The following SEC24A variants were observed in gnomAD, a reference collection of about 807,000 sequenced individuals.
The protein encoded by SEC24A is protein transport protein Sec24A.
SEC24A carries 93 observed loss-of-function variants against 129.4 expected under a neutral mutation model. That is an observed-to-expected ratio of 0.72 (90% CI 0.61 to 0.85). The LOEUF (loss-of-function observed/expected upper bound fraction) is 0.85. Among genes scored for constraint, SEC24A ranks in the 40% least tolerant of loss-of-function variants. SEC24A has a pLI of 0.00. For missense variants in SEC24A, 1,264 were observed against 1,307.4 expected, an observed-to-expected ratio of 0.97 and a Z score of 0.51; for synonymous variants, 460 against 467.3, an observed-to-expected ratio of 0.98 and a Z score of 0.20.
rs545392428 is a variant in SEC24A at position 134,711,454 on chromosome 5, G to A, written c.2727+2566G>A. On this transcript the variant is annotated intron_variant, in intron 18 of 22. Transcript: ENST00000398844. ...GCACCTTGGGAGGCAAAGGCGGGAG[G>A]ATTGATTGCTTGAGTCTGGGAGTTT... Among the ~76,000 whole-genome samples the A allele has an allele frequency of 5.3e-5, 8 of 152,140 alleles. No homozygotes were observed. The South Asian group carries it at 1.7e-3, about 32-fold the overall frequency.
rs887589946 is a variant in SEC24A, at chr5:134,724,091, A to G, written c.3167+421A>G. Among the ~76,000 whole-genome samples the G allele has an allele frequency of 7.2e-5, 11 of 152,252 alleles. No homozygotes were observed. The East Asian group carries it at 1.4e-3, about 19-fold the overall frequency. ...CCATTCATCCTAACTGAAATTTTGTACCCTTTGACTAACATTTCTTCTTTC... is the reference window on the plus strand; with the variant it reads ...CCATTCATCCTAACTGAAATTTTGTGCCCTTTGACTAACATTTCTTCTTTC... On this transcript the variant is annotated intron_variant, in intron 22 of 22. Transcript: ENST00000398844.
At chr5:134,674,543 A>C (rs1418481800) in intron 4 of SEC24A, 72 bp from the exon 5 acceptor site, 1 of 1,416,400 alleles carries the variant, frequency 7.1e-7, no homozygotes, top group African/African-American at 1.5e-5. Flanking sequence ...TCCAAAAAAA[A>C]TGTTTTTTTA....
intron 17 of SEC24A, among the ~76,000 whole-genome samples, chr5:134,706,370 T>A (rs1310659481): frequency 6.6e-6 from 1 of 152,216 alleles, no homozygotes; most frequent in Non-Finnish European, 1.5e-5. Flanking sequence ...TATCTTCACG[T>A]ATTTATTTCC....
intron 1 of SEC24A, among the ~76,000 whole-genome samples, chr5:134,654,221 T>A (rs1012574880): frequency 3.3e-5 from 5 of 151,178 alleles, no homozygotes; most frequent in African/African-American, 9.7e-5. Context: ...AAAAAAAAAA[T>A]ATATATATAT....
chr5:134,717,638 G>T (rs1339583435), intron 19 of SEC24A, among the ~76,000 whole-genome samples: 1 of 151,928 alleles, frequency 6.6e-6, no homozygotes, highest in Admixed American at 6.6e-5. Context: ...TGAATAATTG[G>T]CCGGGTGCGG....
intron 21 of SEC24A, 70 bp downstream of exon 21, chr5:134,721,160 T>A (rs1752617317): frequency 5.7e-6 from 5 of 871,828 alleles, no homozygotes; most frequent in Non-Finnish European, 9.3e-6. Flanking sequence ...TATCCCCTAT[T>A]TTGATATCAG....
chr5:134,677,975 C>A (rs967298027), intron 7 of SEC24A, among the ~76,000 whole-genome samples: 2 of 152,078 alleles, frequency 1.3e-5, no homozygotes, highest in African/African-American at 4.8e-5. Flanking sequence ...CAAATCTCCC[C>A]AAATCTGATA....
intron 7 of SEC24A, among the ~76,000 whole-genome samples, 190 bp downstream of exon 7, chr5:134,676,315 T>A (rs538257071): frequency 6.6e-6 from 1 of 152,092 alleles, no homozygotes; most frequent in Admixed American, 6.6e-5. Flanking sequence ...AATTTTTGTA[T>A]TTTTAGTAGA....
At chr5:134,662,991 T>C (rs1186956380) in intron 2 of SEC24A, among the ~76,000 whole-genome samples, 80 of 152,208 alleles carry the variant, frequency 5.3e-4, no homozygotes, top group Non-Finnish European at 1.5e-5. Flanking sequence ...GAGTGAGACT[T>C]GGTCTAAAAA....
At chr5:134,656,215 T>C (rs1750237711) in intron 1 of SEC24A, among the ~76,000 whole-genome samples, 1 of 151,572 alleles carries the variant, frequency 6.6e-6, no homozygotes, top group Non-Finnish European at 1.5e-5. Flanking sequence ...CCGGAGTAGC[T>C]GGGACCACCG....
At position 134,697,222 on chromosome 5, in the gene SEC24A, C is replaced by CA; in HGVS notation, c.2084dup (p.Tyr696ValfsTer3). ...TGTTGACTTATTCCTTCTCAGTGGACAGTATTCTGATTTGGCTTCTCTGGG... is the reference window on the plus strand; with the variant it reads ...TGTTGACTTATTCCTTCTCAGTGGACAAGTATTCTGATTTGGCTTCTCTGGG... On this transcript the variant is annotated frameshift_variant, in exon 14 of 23. Coordinates refer to ENST00000398844, the MANE Select transcript of SEC24A (RefSeq NM_021982.3). LOFTEE classifies it high-confidence loss of function. 6.2e-7 allele frequency: 1 copy of CA among 1,601,564 alleles called. No homozygotes were observed. Among genetic ancestry groups the CA allele is most frequent in the Non-Finnish European group, 8.5e-7 (1 of 1,171,256 alleles).
Position 134,686,836 on chromosome 5 carries a change from C to G in SEC24A, c.1538C>G (p.Ser513Cys), listed in dbSNP as rs1448509980. ...GTGTATCTCTTTGTATTTGATGTGT[C>G]TCACAATGCAGTCGAAACTGGATAC... Reference protein sequence around the residue: ...PPVYLFVFDVSHNAVETGYLN... With the variant: ...PPVYLFVFDVCHNAVETGYLN... The change falls in exon 10 of 23, where the codon TCT becomes TGT. Residue 513 changes from serine (S) to cysteine (C), a missense_variant. Transcript: ENST00000398844. 1.2e-6 allele frequency: 2 copies of G among 1,610,714 alleles called. No homozygotes were observed.
chr5:134,666,432 C>T (rs1291782098), intron 2 of SEC24A, among the ~76,000 whole-genome samples: 1 of 152,138 alleles, frequency 6.6e-6, no homozygotes, highest in Non-Finnish European at 1.5e-5. Context: ...TTTCACATGC[C>T]TATAGTCCCT....
chr5:134,657,215 A>C (rs540574241), intron 1 of SEC24A, among the ~76,000 whole-genome samples: 1 of 135,132 alleles, frequency 7.4e-6, no homozygotes, highest in African/African-American at 3.3e-5. Flanking sequence ...CACACACACA[A>C]CCAAAACTTA....
chr5:134,693,388 G>A, intron 12 of SEC24A: 1 of 1,351,856 alleles, frequency 7.4e-7, no homozygotes, highest in South Asian at 1.7e-5. Context: ...CAAGAATAAA[G>A]TATGTAGAGG....
At chr5:134,681,478 GT>G in intron 8 of SEC24A, among the ~76,000 whole-genome samples, 1 of 143,542 alleles carries the variant, frequency 7.0e-6, no homozygotes, top group African/African-American at 2.7e-5. Flanking sequence ...GTGTGTGTGT[GT>G]TTTGAGTATA....
upstream of SEC24A, chr5:134,648,779 A>C (rs1366562742): frequency 4.1e-6 from 1 of 240,980 alleles, no homozygotes; most frequent in African/African-American, 2.3e-5. Context: ...CCGGCGGCTG[A>C]CAGGCACTTC....
chr5:134,711,058 C>T (rs544883398), intron 18 of SEC24A, among the ~76,000 whole-genome samples: 61 of 152,264 alleles, frequency 4.0e-4, no homozygotes, highest in African/African-American at 1.3e-3. Context: ...ATCGCCTGAA[C>T]CCAGGAGGCA....
chr5:134,711,936 A>G (rs1419363171), intron 18 of SEC24A, among the ~76,000 whole-genome samples: 1 of 151,840 alleles, frequency 6.6e-6, no homozygotes, highest in Non-Finnish European at 1.5e-5. Flanking sequence ...TTTAGTAGAG[A>G]CGGGGTTTCA....
Sources: gnomAD v4.1 joint callset for allele counts (sites outside exome capture counted in the v4.1 genomes callset) on GRCh38, gnomAD v4.1.1 for gene constraint, MANE v1.5 for transcripts, NCBI Gene and HGNC (gene_info 2026-07-23, HGNC 2026-07-21) for gene names.